The following HEG1 variants were observed in gnomAD, a reference collection of about 807,000 sequenced individuals.
HEG1 encodes the protein heart development protein with EGF like domains 1, also known as protein HEG homolog 1.
Under a neutral mutation model 125.6 loss-of-function variants are expected in HEG1, and 56 were observed. The observed-to-expected ratio is 0.45, with a 90% confidence interval of 0.36 to 0.56. The LOEUF (loss-of-function observed/expected upper bound fraction) is 0.56. HEG1 is among the 20% of genes least tolerant of loss of function. HEG1 has a pLI of 0.00. For synonymous variants in HEG1, 644 were observed against 668.5 expected (o/e 0.96, Z 0.57); for missense variants, 1,523 against 1,670.0 (o/e 0.91, Z 1.53).
rs745307638 is a variant in HEG1, at chr3:125,019,614, GA to G, written c.1253-18del. The G allele has an allele frequency of 2.5e-6, 4 of 1,576,708 alleles. No individual in the cohort carries two copies. Among genetic ancestry groups the G allele is most frequent in the Non-Finnish European group, 2.6e-6 (3 of 1,156,028 alleles). On this transcript the variant is annotated intron_variant, in intron 4 of 16. Coordinates refer to ENST00000311127, the MANE Select transcript of HEG1 (RefSeq NM_020733.2). ...CTCCAAAGGCTGTAAGGTAATATAG[GA>G]AAAAAAGGCCATTACATAGGTATGA... is the stretch of plus-strand genomic sequence containing the variant.
chr3:125,051,262 A>G (rs1243898742), intron 1 of HEG1, among the ~76,000 whole-genome samples: 1 of 152,220 alleles, frequency 6.6e-6, no homozygotes, highest in East Asian at 1.9e-4. Flanking sequence ...TGCCACTGCC[A>G]TCTCCTCATA....
Position 125,027,244 on chromosome 3 carries a change from T to C in HEG1, c.874A>G (p.Arg292Gly), listed in dbSNP as rs1298497348. ...GPDLSWLHFYRTAASSPLLDL... is the reference protein window; with the variant it reads ...GPDLSWLHFYGTAASSPLLDL... Reference sequence around the variant, plus strand: ...AAGAGAGGAGAGGAAGCTGCTGTCCTGTAGAAATGCAGCCAGGAGAGATCT... The same window carrying C: ...AAGAGAGGAGAGGAAGCTGCTGTCCCGTAGAAATGCAGCCAGGAGAGATCT... The change falls in exon 3 of 17, where the codon AGG (arginine) becomes GGG (glycine). Residue 292 changes from arginine to glycine, a missense_variant. Physicochemically the swap from Arg to Gly is moderately radical, Grantham distance 125. Transcript: ENST00000311127. The C allele has an allele frequency of 6.2e-7, 1 of 1,612,100 alleles. No individual in the cohort carries two copies. The highest frequency in any genetic ancestry group is 1.7e-5 in the Admixed American group (1 of 59,854).
At chr3:124,987,523 C>CTTTTTTT (rs1204657705) in intron 14 of HEG1, among the ~76,000 whole-genome samples, 1 of 136,188 alleles carries the variant, frequency 7.3e-6, no homozygotes, top group Admixed American at 7.4e-5. Flanking sequence ...TTCTTTTTTT[C>CTTTTTTT]TTTTTTTTTT....
At chr3:124,994,312 G>A (rs1406379034) in intron 12 of HEG1, among the ~76,000 whole-genome samples, 11 of 152,142 alleles carry the variant, frequency 7.2e-5, no homozygotes, top group Admixed American at 7.2e-4. Flanking sequence ...TGTGCAGCCC[G>A]GTTCCTAACA....
At chr3:124,993,466 T>C (rs4472083) in intron 12 of HEG1, among the ~76,000 whole-genome samples, 104,525 of 151,946 alleles carry the variant, frequency 0.69, 36,029 homozygotes, top group Middle Eastern at 0.77. Flanking sequence ...AGGAGGCAGC[T>C]GAGTGCTCCT....
At chr3:125,006,842 G>A (rs1361259449) in intron 8 of HEG1, among the ~76,000 whole-genome samples, 1 of 152,176 alleles carries the variant, frequency 6.6e-6, no homozygotes, top group Non-Finnish European at 1.5e-5. Context: ...CCAGAACAAT[G>A]GTCCTGCTTC....
At chr3:124,977,341 A>G (rs1457231139) in intron 15 of HEG1, among the ~76,000 whole-genome samples, 1 of 152,218 alleles carries the variant, frequency 6.6e-6, no homozygotes, top group Non-Finnish European at 1.5e-5. Context: ...GCAATACAAA[A>G]TGGACTAAGA....
chr3:125,035,961 T>C (rs914658579), intron 1 of HEG1, among the ~76,000 whole-genome samples: 4 of 151,874 alleles, frequency 2.6e-5, no homozygotes, highest in Non-Finnish European at 4.4e-5. Flanking sequence ...TGGTGGCTCA[T>C]GTCTGTAATC....
chr3:124,967,490 C>G lies in HEG1; in HGVS notation c.*3162G>C, dbSNP rs1381734258. On this transcript the variant is annotated 3_prime_UTR_variant, in exon 17 of 17. Coordinates refer to ENST00000311127, the MANE Select transcript of HEG1 (RefSeq NM_020733.2). ...TTTTTTTTTTTTGCATTTCACGTCA[C>G]TAATTTGGTTACTTCTTAAAAATAA... 7.1e-6 allele frequency: 1 copy of G among 140,476 alleles called. No individual in the cohort carries two copies. Among genetic ancestry groups the G allele is most frequent in the Non-Finnish European group, 1.5e-5 (1 of 66,058 alleles). The allele number at this position is 140,476 out of a possible 1,614,324, so 8.7% of individuals were successfully genotyped here.
intron 1 of HEG1, among the ~76,000 whole-genome samples, chr3:125,051,610 G>A (rs367786437): frequency 2.6e-5 from 4 of 152,214 alleles, no homozygotes; most frequent in Admixed American, 1.3e-4. Flanking sequence ...CCACACATAC[G>A]TGTTCAAAGG....
At chr3:124,995,171 G>C (rs1457951161) in intron 12 of HEG1, among the ~76,000 whole-genome samples, 3 of 152,046 alleles carry the variant, frequency 2.0e-5, no homozygotes, top group African/African-American at 7.2e-5. Flanking sequence ...TAGTGGCAAG[G>C]ACCTGTAGTC....
rs148772697 is a variant in HEG1, at chr3:125,053,520, T to C, written c.316+2055A>G. 4.7e-3 allele frequency among the ~76,000 whole-genome samples: 709 copies of C among 152,312 alleles called. 5 individuals carry two copies. Among genetic ancestry groups the C allele is most frequent in the Non-Finnish European group, 8.1e-3 (550 of 68,034 alleles). ...CACCTTCCTAACATCCCTTCAGAGA[T>C]TGGGCCTTTGAGCCACTGAAGAGGA... On this transcript the variant is annotated intron_variant, in intron 1 of 16. Transcript: ENST00000311127.
intron 11 of HEG1, among the ~76,000 whole-genome samples, chr3:125,000,395 G>T (rs1457476781): frequency 6.6e-6 from 1 of 152,198 alleles, no homozygotes; most frequent in Non-Finnish European, 1.5e-5. Flanking sequence ...TGATCACATA[G>T]AATGTATTCC....
chr3:124,982,865 G>C (rs1438875163), intron 14 of HEG1, among the ~76,000 whole-genome samples: 3 of 152,148 alleles, frequency 2.0e-5, no homozygotes, highest in Non-Finnish European at 4.4e-5. Context: ...TACTTCCCAG[G>C]AATTTGGGAA....
At chr3:124,985,860 C>T (rs1936729745) in intron 14 of HEG1, among the ~76,000 whole-genome samples, 1 of 152,244 alleles carries the variant, frequency 6.6e-6, no homozygotes, top group Admixed American at 6.5e-5. Flanking sequence ...TTACTGTAGC[C>T]TCTGCCTCCC....
intron 2 of HEG1, among the ~76,000 whole-genome samples, chr3:125,027,770 C>T (rs1325151837): frequency 6.6e-6 from 1 of 152,168 alleles, no homozygotes; most frequent in Admixed American, 6.5e-5. Context: ...AATATGGAAT[C>T]AGAGATCAGG....
At chr3:124,979,298 A>C (rs974866436) in intron 14 of HEG1, among the ~76,000 whole-genome samples, 2 of 152,192 alleles carry the variant, frequency 1.3e-5, no homozygotes, top group Non-Finnish European at 2.9e-5. Context: ...TAAAATAAAA[A>C]GGAGGCAACC....
intron 5 of HEG1, chr3:125,015,013 C>T: frequency 3.2e-6 from 4 of 1,233,400 alleles, no homozygotes; most frequent in Non-Finnish European, 3.1e-6. Context: ...TCTTCCAAGG[C>T]TAAAAGTAGA....
At chr3:124,976,002 G>T (rs1443554967) in intron 15 of HEG1, among the ~76,000 whole-genome samples, 1 of 152,186 alleles carries the variant, frequency 6.6e-6, no homozygotes, top group Non-Finnish European at 1.5e-5. Context: ...TTTTGTGTGA[G>T]TATACCTTTT....
Sources: allele counts gnomAD v4.1 joint callset (sites outside exome capture counted in the v4.1 genomes callset), GRCh38; gene constraint gnomAD v4.1.1; transcripts MANE v1.5; gene names NCBI Gene and HGNC (gene_info 2026-07-23, HGNC 2026-07-21).